SCN1A: variants seen among roughly 807,000 people sequenced by gnomAD.
SCN1A encodes the protein sodium voltage-gated channel alpha subunit 1.
A neutral mutation model predicts 193.7 loss-of-function variants in SCN1A; 13 were observed. The observed-to-expected ratio is 0.07, with a 90% CI of 0.04 to 0.11. The LOEUF (loss-of-function observed/expected upper bound fraction) is 0.11. SCN1A is among the 10% of genes least tolerant of loss of function. The pLI is 1.00. For missense variants in SCN1A, 1,432 were observed against 2,451.1 expected (o/e 0.58, Z 8.78); for synonymous variants, 781 against 843.6 (o/e 0.93, Z 1.29).
In SCN1A at chr2:166,042,288, C is replaced by A. The variant is rs1433463598; in HGVS notation, c.2176+4G>T. 1.2e-6 allele frequency: 2 copies of A among 1,610,374 alleles called. No homozygotes were observed. The highest frequency in any genetic ancestry group is 4.5e-5 in the East Asian group (2 of 44,754). ...TTGAAACGAAAATAGAATTTGTTAC[C>A]AACCTTCTACTGTATTTGTTAGAAT... On this transcript the variant is annotated splice_donor_region_variant and intron_variant, in intron 15 of 28. Coordinates refer to ENST00000674923, the MANE Select transcript of SCN1A (RefSeq NM_001165963.4).
At chr2:166,081,033 T>C (rs1045018243) in intron 2 of SCN1A, among the ~76,000 whole-genome samples, 2 of 143,162 alleles carry the variant, frequency 1.4e-5, no homozygotes, top group African/African-American at 5.1e-5. Context: ...TTCTGGGCAT[T>C]ATATATCTCT....
In SCN1A at chr2:166,082,825, T is replaced by C. The variant is rs371044788; in HGVS notation, c.-141-5024A>G. ...TATATAATCTGATGTGGAGAAAAAT[T>C]ATATATCTTCAATTCTGTCTATAAA... On this transcript the variant is annotated intron_variant, in intron 2 of 28. Transcript: ENST00000674923. Among the ~76,000 whole-genome samples, 50 of 152,150 alleles carry C rather than the reference T, an allele frequency of 3.3e-4. No individual in the cohort carries two copies. In the South Asian group the frequency reaches 6.8e-3, roughly 21 times the overall value.
intron 16 of SCN1A, among the ~76,000 whole-genome samples, chr2:166,040,857 T>C (rs1697079961): frequency 6.6e-6 from 1 of 152,200 alleles, no homozygotes; most frequent in Non-Finnish European, 1.5e-5. Context: ...TTTCTTGCAG[T>C]GATGATGACT....
rs757842791 is a variant in SCN1A at position 166,002,646 on chromosome 2, A to G, written c.4110T>C (p.Ala1370=). Reference sequence around the variant, plus strand: ...TGTTAATACAGTGGTAGAATTTGCCAGCAAACAAATTTACGCCCATGATGC... The same window carrying G: ...TGTTAATACAGTGGTAGAATTTGCCGGCAAACAAATTTACGCCCATGATGC... ...IFSIMGVNLF[A]GKFYHCINTT... The change falls in exon 24 of 29, where the codon GCT becomes GCC. Residue 1370 remains alanine (A), a synonymous_variant. Transcript: ENST00000674923. 3 of 1,611,904 alleles carry G rather than the reference A, an allele frequency of 1.9e-6. No individual in the cohort carries two copies. The highest frequency in any genetic ancestry group is 1.3e-5 in the African/African-American group (1 of 74,732).
At chr2:165,985,810 C>T (rs1688574812), downstream of SCN1A, 1 of 152,058 alleles carries the variant, frequency 6.6e-6, no homozygotes, top group African/African-American at 2.4e-5. Flanking sequence ...CAGCAGTACC[C>T]AATTCATGGT....
At chr2:166,103,449 T>TTAAATAAATAAATAAA (rs56754104) in intron 2 of SCN1A, among the ~76,000 whole-genome samples, 1 of 142,916 alleles carries the variant, frequency 7.0e-6, no homozygotes, top group Non-Finnish European at 1.5e-5. Context: ...AGACTCTGTC[T>TTAAATAAATAAATAAA]TAAATAAATA....
intron 4 of SCN1A, chr2:166,071,814 C>T (rs1559280304): frequency 2.6e-5 from 4 of 151,506 alleles, no homozygotes; most frequent in East Asian, 1.9e-4. Context: ...GGCGTGAACC[C>T]GAGAGGTGGG....
At chr2:166,038,189 T>C (rs1696693931) in intron 17 of SCN1A, 57 bp from the exon 18 acceptor site, 12 of 1,311,562 alleles carry the variant, frequency 9.1e-6, no homozygotes, top group Non-Finnish European at 1.3e-5. Context: ...TTATATATAT[T>C]GAGCTTTACC....
At position 166,036,199 on chromosome 2, in the gene SCN1A, T is replaced by C. The variant is rs1164730356; in HGVS notation, c.3278A>G (p.Glu1093Gly). 1.2e-6 allele frequency: 2 copies of C among 1,614,026 alleles called. No individual in the cohort carries two copies. The highest frequency in any genetic ancestry group is 3.3e-5 in the Admixed American group (2 of 60,018). Residue 1093 changes from glutamate (E) to glycine (G), a missense_variant, in exon 19 of 29, where the codon GAA becomes GGA. This residue lies in a region of SCN1A where 198 missense variants were observed against 225.8 expected (regional missense o/e 0.88). Transcript: ENST00000674923. ...TSGIGTGSSV[E>G]KYIIDESDYM... Reference sequence around the variant, plus strand: ...ATCACTTTCATCAATAATGTATTTTTCAACACTGCTGCCAGTTCCTATACC... The same window carrying C: ...ATCACTTTCATCAATAATGTATTTTCCAACACTGCTGCCAGTTCCTATACC...
Position 166,053,196 on chromosome 2 carries a change from A to G in SCN1A, c.603-253T>C, listed in dbSNP as rs1218841298. On this transcript the variant is annotated intron_variant, in intron 7 of 28. Transcript: ENST00000674923. ...TTTATATTACTTGCATGGGTCTTTT[A>G]TAAAGACCTTCTTGGTGATTTTAAA... 6 of 695,004 alleles carry G rather than the reference A, an allele frequency of 8.6e-6. No individual in the cohort carries two copies. The Admixed American group carries it at 1.5e-4, about 18-fold the overall frequency. The allele number at this position is 695,004 out of a possible 1,614,324, so 43.1% of individuals were successfully genotyped here. A position where few individuals can be genotyped will look rare whatever the true frequency, so the allele number is the denominator to read the frequency against.
intron 23 of SCN1A, 133 bp from the exon 24 acceptor site, chr2:166,002,886 CA>C: frequency 1.4e-6 from 1 of 708,856 alleles, no homozygotes; most frequent in Admixed American, 3.5e-5. Context: ...TATGTAAAAG[CA>C]AGGTTCAAAA....
chr2:166,048,390 T>C (rs546216751), intron 10 of SCN1A, among the ~76,000 whole-genome samples: 24 of 152,226 alleles, frequency 1.6e-4, no homozygotes, highest in African/African-American at 5.5e-4. Flanking sequence ...GTGTGTGTTG[T>C]TCCCTATATG....
At chr2:166,012,334 T>C in intron 21 of SCN1A, 52 bp from the exon 22 acceptor site, 1 of 1,398,380 alleles carries the variant, frequency 7.2e-7, no homozygotes, top group Non-Finnish European at 1.0e-6. Context: ...TTATACTCCA[T>C]AAGCTATTTA....
chr2:166,017,543 T>C (rs1335735858), intron 19 of SCN1A, among the ~76,000 whole-genome samples: 14 of 152,034 alleles, frequency 9.2e-5, no homozygotes, highest in Non-Finnish European at 7.4e-5. Context: ...CTTCAACAAG[T>C]GCCTTCATAT....
At position 166,077,743 on chromosome 2, in the gene SCN1A, G is replaced by T. The variant is rs1307968829; in HGVS notation, c.-83C>A. The T allele has an allele frequency of 6.6e-6, 1 of 152,394 alleles. No individual in the cohort carries two copies. Among genetic ancestry groups the T allele is most frequent in the African/African-American group, 2.4e-5 (1 of 41,406 alleles). The allele number at this position is 152,394 out of a possible 1,614,324, so 9.4% of individuals were successfully genotyped here. A position where few individuals can be genotyped will look rare whatever the true frequency, so the allele number is the denominator to read the frequency against. Reference sequence around the variant, plus strand: ...TTAACCAAAGGAGTTGAAAACTTATGTCCACACAAAATCCTGCACACGGAT... The same window carrying T: ...TTAACCAAAGGAGTTGAAAACTTATTTCCACACAAAATCCTGCACACGGAT... On this transcript the variant is annotated 5_prime_UTR_variant, in exon 3 of 29. Transcript: ENST00000674923.
rs373772491 is a variant in SCN1A, at chr2:166,051,797, T to C, written c.886A>G (p.Ile296Val). The change falls in exon 9 of 29, where the codon ATA becomes GTA. Residue 296 changes from isoleucine to valine, a missense_variant. Ile to Val is a conservative substitution (Grantham distance 29). This residue lies in a region of SCN1A where 52 missense variants were observed against 59.6 expected (regional missense o/e 0.87). Coordinates refer to ENST00000674923, the MANE Select transcript of SCN1A (RefSeq NM_001165963.4). ...SLEEHSIEKN[I>V]TVNYNGTLIN... ...AGTGTACCATTATAATTCACAGTTATATTCTTTTCTATACTATGTTCCTCC... is the reference window on the plus strand; with the variant it reads ...AGTGTACCATTATAATTCACAGTTACATTCTTTTCTATACTATGTTCCTCC... 23 of 1,611,170 alleles carry C rather than the reference T, an allele frequency of 1.4e-5. No individual in the cohort carries two copies. Among genetic ancestry groups the C allele is most frequent in the African/African-American group, 2.7e-5 (2 of 74,804 alleles).
intron 23 of SCN1A, among the ~76,000 whole-genome samples, chr2:166,005,606 A>G (rs867435198): frequency 1.3e-5 from 2 of 151,388 alleles, no homozygotes; most frequent in Non-Finnish European, 3.0e-5. Flanking sequence ...GGAGTTTATT[A>G]TACAAAGCTA....
chr2:166,144,157 G>A (rs1340643129), intron 1 of SCN1A, among the ~76,000 whole-genome samples: 1 of 152,256 alleles, frequency 6.6e-6, no homozygotes, highest in East Asian at 1.9e-4. Flanking sequence ...GTTAATGTTA[G>A]GTAAAGTCCA....
In SCN1A at chr2:165,994,207, A is replaced by G. The variant is rs141051370; in HGVS notation, c.4791T>C (p.His1597=). 125 of 1,612,616 alleles carry G rather than the reference A, an allele frequency of 7.8e-5. No individual in the cohort carries two copies. Among genetic ancestry groups the G allele is most frequent in the Non-Finnish European group, 9.7e-5 (114 of 1,179,236 alleles). Residue 1597 remains histidine (H), a synonymous_variant, in exon 28 of 29, where the codon CAT becomes CAC. Coordinates refer to ENST00000674923, the MANE Select transcript of SCN1A (RefSeq NM_001165963.4). ...ECVLKLISLR[H]YYFTIGWNIF... Reference sequence around the variant, plus strand: ...TATTCCATCCAATGGTAAAATAATAATGGCGTAGAGAGATGAGTTTCAGTA... The same window carrying G: ...TATTCCATCCAATGGTAAAATAATAGTGGCGTAGAGAGATGAGTTTCAGTA...
Sources: allele counts gnomAD v4.1 joint callset (sites outside exome capture counted in the v4.1 genomes callset), GRCh38; gene constraint gnomAD v4.1.1; regional missense constraint gnomAD v4.1.1; transcripts MANE v1.5; gene names NCBI Gene and HGNC (gene_info 2026-07-23, HGNC 2026-07-21).